The following GBA2 variants were observed in gnomAD, a reference collection of about 807,000 sequenced individuals.
GBA2 encodes the protein non-lysosomal glucosylceramidase.
A neutral mutation model predicts 112.9 loss-of-function variants in GBA2; 79 were observed. That is an observed-to-expected ratio of 0.70 (90% confidence interval 0.58 to 0.84). GBA2 has a LOEUF of 0.84. GBA2 is among the 40% of genes least tolerant of loss of function. The pLI is 0.00. For synonymous variants in GBA2, 403 were observed against 434.3 expected, an observed-to-expected ratio of 0.93 and a Z score of 0.90; for missense variants, 1,043 against 1,190.0, an observed-to-expected ratio of 0.88 and a Z score of 1.82.
In GBA2 at chr9:35,739,371, G is replaced by A; in HGVS notation, c.1631C>T (p.Ser544Phe). Residue 544 changes from serine (S) to phenylalanine (F), a missense_variant, in exon 10 of 17, where the codon TCC (serine) becomes TTC (phenylalanine). Transcript: ENST00000378103. ...GGGCCAGAGCATGATGAGGGCAAAG[G>A]AAGCATAAAAGTGGACATCATATGT... ...YNTYDVHFYA[S>F]FALIMLWPKL... 1 of 1,613,776 alleles carries A rather than the reference G, an allele frequency of 6.2e-7. No individual in the cohort carries two copies. Among genetic ancestry groups the A allele is most frequent in the Non-Finnish European group, 8.5e-7 (1 of 1,179,682 alleles).
In GBA2 at chr9:35,740,101, G is replaced by C. The variant is rs564921378; in HGVS notation, c.1306C>G (p.Gln436Glu). Residue 436 changes from glutamine (Q) to glutamate (E), a missense_variant, in exon 8 of 17, where the codon CAG becomes GAG. Physicochemically the swap from Gln to Glu is conservative, Grantham distance 29 (BLOSUM62 2). Coordinates refer to ENST00000378103, the MANE Select transcript of GBA2 (RefSeq NM_020944.3). The surrounding 1 kb of genome is among the most constrained non-coding windows in gnomAD (Gnocchi z 4.7). ...AGGGCAGGTGCTGCATCTCCATCCT[G>C]GCCAAAGAACCTTGTATACCGCCTG... Reference protein sequence around the residue: ...HYRRYTRFFGQDGDAAPALSH... With the variant: ...HYRRYTRFFGEDGDAAPALSH... 3.2e-5 allele frequency: 51 copies of C among 1,614,066 alleles called. No homozygotes were observed. In the South Asian group the frequency reaches 4.2e-4, roughly 13 times the overall value.
At position 35,741,284 on chromosome 9, in the gene GBA2, T is replaced by C. The variant is rs914387893; in HGVS notation, c.787-220A>G. 9 of 582,276 alleles carry C rather than the reference T, an allele frequency of 1.5e-5. No homozygotes were observed. Among genetic ancestry groups the C allele is most frequent in the Admixed American group, 3.2e-5 (1 of 31,666 alleles). The allele number at this position is 582,276 out of a possible 1,614,324, so 36.1% of individuals were successfully genotyped here. A position where few individuals can be genotyped will look rare whatever the true frequency, so the allele number is the denominator to read the frequency against. Reference sequence around the variant, plus strand: ...CGGTGGTTCTGGGAAGCCAGTGTGATGTTCATGGCTCCAACCTCCCTTTCA... The same window carrying C: ...CGGTGGTTCTGGGAAGCCAGTGTGACGTTCATGGCTCCAACCTCCCTTTCA... On this transcript the variant is annotated intron_variant, in intron 4 of 16. Coordinates refer to ENST00000378103, the MANE Select transcript of GBA2 (RefSeq NM_020944.3). This position sits in a 1 kb window ranked among gnomAD's most constrained non-coding sequence, Gnocchi z 4.6.
chr9:35,741,160 A>G lies in GBA2; in HGVS notation c.787-96T>C. 7.7e-7 allele frequency: 1 copy of G among 1,302,638 alleles called. No individual in the cohort carries two copies. Among genetic ancestry groups the G allele is most frequent in the Non-Finnish European group, 1.1e-6 (1 of 926,402 alleles). 80.7% of individuals were successfully genotyped at this position (1,302,638 alleles called of 1,614,324 possible). A position where few individuals can be genotyped will look rare whatever the true frequency, so the allele number is the denominator to read the frequency against. On this transcript the variant is annotated intron_variant, in intron 4 of 16. Coordinates refer to ENST00000378103, the MANE Select transcript of GBA2 (RefSeq NM_020944.3). The surrounding 1 kb of genome is among the most constrained non-coding windows in gnomAD (Gnocchi z 4.6). ...CCTGGGCACACAGAGGACCTGACTC[A>G]AATACTCCCCAGTGTACTCTTCTTT...
At position 35,740,980 on chromosome 9, in the gene GBA2, T is replaced by C. The variant is rs367777270; in HGVS notation, c.871A>G (p.Met291Val). 4.3e-6 allele frequency: 7 copies of C among 1,613,980 alleles called. No homozygotes were observed. Among genetic ancestry groups the C allele is most frequent in the African/African-American group, 2.7e-5 (2 of 74,916 alleles). ...TCTCCACCACCCAGTCCATTCCGCA[T>C]GGAGAACATGATGGACACATCTAGA... ...EALDVSIMFSMRNGLGGGDDA... is the reference protein window; with the variant it reads ...EALDVSIMFSVRNGLGGGDDA... The change falls in exon 5 of 17, where the codon ATG becomes GTG. Residue 291 changes from methionine to valine, a missense_variant. Coordinates refer to ENST00000378103, the MANE Select transcript of GBA2 (RefSeq NM_020944.3). The surrounding 1 kb of genome is among the most constrained non-coding windows in gnomAD (Gnocchi z 4.7).
In GBA2 at chr9:35,741,663, G is replaced by A. The variant is rs374309697; in HGVS notation, c.786+9C>T. 3 of 1,525,574 alleles carry A rather than the reference G, an allele frequency of 2.0e-6. No individual in the cohort carries two copies. The highest frequency in any genetic ancestry group is 2.7e-6 in the Non-Finnish European group (3 of 1,099,256). 94.5% of individuals were successfully genotyped at this position (1,525,574 alleles called of 1,614,324 possible). A position where few individuals can be genotyped will look rare whatever the true frequency, so the allele number is the denominator to read the frequency against. ...AGGGCAATGGAAGATACAGATGTGG[G>A]GGCCTCACCTGGTAGTCATGGGGCA... On this transcript the variant is annotated intron_variant, in intron 4 of 16. Coordinates refer to ENST00000378103, the MANE Select transcript of GBA2 (RefSeq NM_020944.3). This position sits in a 1 kb window ranked among gnomAD's most constrained non-coding sequence, Gnocchi z 4.6.
Position 35,742,078 on chromosome 9 carries a change from A to C in GBA2, c.568-188T>G, listed in dbSNP as rs75894508. 863 of 623,020 alleles carry C rather than the reference A, an allele frequency of 1.4e-3. 2 individuals are homozygous for C. The highest frequency in any genetic ancestry group is 1.7e-3 in the Non-Finnish European group (574 of 343,918). The allele number at this position is 623,020 out of a possible 1,614,324, so 38.6% of individuals were successfully genotyped here. A position where few individuals can be genotyped will look rare whatever the true frequency, so the allele number is the denominator to read the frequency against. On this transcript the variant is annotated intron_variant, in intron 3 of 16. Coordinates refer to ENST00000378103, the MANE Select transcript of GBA2 (RefSeq NM_020944.3). ...TACCTCCCCATCCATCTATCTCCCA[A>C]GCTTTCTCTCCCTTCTCCACTACGG...
At chr9:35,738,474 C>T (rs1429535366) in intron 13 of GBA2, 52 bp downstream of exon 13, 16 of 1,587,158 alleles carry the variant, frequency 1.0e-5, no homozygotes, top group African/African-American at 1.3e-5. Context: ...CCTACAATCC[C>T]TTGTTGCCCA....
Position 35,741,290 on chromosome 9 carries a change from T to G in GBA2, c.787-226A>C. ...TTCTGGGAAGCCAGTGTGATGTTCA[T>G]GGCTCCAACCTCCCTTTCACAGGCC... On this transcript the variant is annotated intron_variant, in intron 4 of 16. Coordinates refer to ENST00000378103, the MANE Select transcript of GBA2 (RefSeq NM_020944.3). The surrounding 1 kb of genome is among the most constrained non-coding windows in gnomAD (Gnocchi z 4.6). 1.7e-6 allele frequency: 1 copy of G among 575,308 alleles called. No individual in the cohort carries two copies. The highest frequency in any genetic ancestry group is 3.2e-5 in the Admixed American group (1 of 31,358). The allele number at this position is 575,308 out of a possible 1,614,324, so 35.6% of individuals were successfully genotyped here. A position where few individuals can be genotyped will look rare whatever the true frequency, so the allele number is the denominator to read the frequency against.
At chr9:35,739,256 C>T (rs1588008908) in intron 10 of GBA2, 59 bp downstream of exon 10, 4 of 1,208,926 alleles carry the variant, frequency 3.3e-6, no homozygotes, top group Non-Finnish European at 3.7e-6. Flanking sequence ...TGAGGGACCA[C>T]AGAAGTTCGG....
chr9:35,737,179 C>G lies in GBA2; in HGVS notation c.2774G>C (p.Ser925Thr). ...FGPKEAMANLSPE is the reference protein window; with the variant it reads ...FGPKEAMANLTPE ...CACAGTTCAGACGGCTCACTCTGGG[C>G]TCAGGTTTGCCATGGCTTCCTTTGG... Residue 925 changes from serine (S) to threonine (T), a missense_variant, in exon 17 of 17, where the codon AGC becomes ACC. Ser to Thr is a moderately conservative substitution (Grantham distance 58, BLOSUM62 1). Coordinates refer to ENST00000378103, the MANE Select transcript of GBA2 (RefSeq NM_020944.3). The surrounding 1 kb of genome is among the most constrained non-coding windows in gnomAD (Gnocchi z 4.1). The G allele has an allele frequency of 6.2e-7, 1 of 1,606,004 alleles. No homozygotes were observed. The highest frequency in any genetic ancestry group is 8.5e-7 in the Non-Finnish European group (1 of 1,179,400).
Position 35,739,378 on chromosome 9 carries a change from A to G in GBA2, c.1624T>C (p.Tyr542His). The G allele has an allele frequency of 6.2e-7, 1 of 1,613,664 alleles. No individual in the cohort carries two copies. Among genetic ancestry groups the G allele is most frequent in the Non-Finnish European group, 8.5e-7 (1 of 1,179,554 alleles). ...AGCATGATGAGGGCAAAGGAAGCAT[A>G]AAAGTGGACATCATATGTGTTGTAC... ...RMYNTYDVHF[Y>H]ASFALIMLWP... Residue 542 changes from tyrosine (Y) to histidine (H), a missense_variant, in exon 10 of 17, where the codon TAT becomes CAT. Physicochemically the swap from Tyr to His is moderately conservative, Grantham distance 83 (BLOSUM62 2). Transcript: ENST00000378103.
chr9:35,736,883 T>A lies in GBA2; in HGVS notation c.*286A>T, dbSNP rs770501648. 5 of 769,728 alleles carry A rather than the reference T, an allele frequency of 6.5e-6. No homozygotes were observed. The highest frequency in any genetic ancestry group is 2.8e-5 in the Admixed American group (1 of 35,126). The allele number at this position is 769,728 out of a possible 1,614,324, so 47.7% of individuals were successfully genotyped here. A position where few individuals can be genotyped will look rare whatever the true frequency, so the allele number is the denominator to read the frequency against. Reference sequence around the variant, plus strand: ...ACACTTAATGGCTTTCTGGGTCTTTTATTTGTACCCATGTGTCTGTCACAC... The same window carrying A: ...ACACTTAATGGCTTTCTGGGTCTTTAATTTGTACCCATGTGTCTGTCACAC... On this transcript the variant is annotated 3_prime_UTR_variant, in exon 17 of 17. Transcript: ENST00000378103.
Position 35,739,369 on chromosome 9 carries a change from AG to A in GBA2, c.1632del (p.Phe545LeufsTer27). Reference protein sequence around the residue: ...YNTYDVHFYASFALIMLWPKL... With the variant: ...YNTYDVHFYAXFALIMLWPKL... ...TTGGGCCAGAGCATGATGAGGGCAAAGGAAGCATAAAAGTGGACATCATATG... is the reference window on the plus strand; with the variant it reads ...TTGGGCCAGAGCATGATGAGGGCAAAGAAGCATAAAAGTGGACATCATATG... On this transcript the variant is annotated frameshift_variant, in exon 10 of 17. Coordinates refer to ENST00000378103, the MANE Select transcript of GBA2 (RefSeq NM_020944.3). LOFTEE classifies it high-confidence loss of function. The A allele has an allele frequency of 5.0e-6, 8 of 1,613,870 alleles. No homozygotes were observed. The highest frequency in any genetic ancestry group is 6.8e-6 in the Non-Finnish European group (8 of 1,179,758).
In GBA2 at chr9:35,739,116, G is replaced by A. The variant is rs1410564153; in HGVS notation, c.1688-7C>T. 8.7e-6 allele frequency: 13 copies of A among 1,491,842 alleles called. No individual in the cohort carries two copies. The highest frequency in any genetic ancestry group is 1.1e-5 in the Non-Finnish European group (12 of 1,109,076). 92.4% of individuals were successfully genotyped at this position (1,491,842 alleles called of 1,614,324 possible). A position where few individuals can be genotyped will look rare whatever the true frequency, so the allele number is the denominator to read the frequency against. On this transcript the variant is annotated splice_region_variant and splice_polypyrimidine_tract_variant and intron_variant, in intron 10 of 16. Coordinates refer to ENST00000378103, the MANE Select transcript of GBA2 (RefSeq NM_020944.3). ...TCCCTGAGAGTGGCCAGAGCTGGGGGAGAGACACAGAAGGGAGGCAGGGAA... is the reference window on the plus strand; with the variant it reads ...TCCCTGAGAGTGGCCAGAGCTGGGGAAGAGACACAGAAGGGAGGCAGGGAA...
In GBA2 at chr9:35,744,754, GTTCACAGGCTGAGTCACCTGCCTCTCTC is replaced by G. The variant is rs770692228; in HGVS notation, c.360-76_360-49del. 36 of 1,003,002 alleles carry G rather than the reference GTTCACAGGCTGAGTCACCTGCCTCTCTC, an allele frequency of 3.6e-5. No homozygotes were observed. The South Asian group carries it at 4.5e-4, about 12-fold the overall frequency. 62.1% of individuals were successfully genotyped at this position (1,003,002 alleles called of 1,614,324 possible). On this transcript the variant is annotated intron_variant, in intron 1 of 16. Transcript: ENST00000378103. ...AGTGGAAGGGGGCAGGTGGGCAGCT[GTTCACAGGCTGAGTCACCTGCCTCTCTC>G]TGTGACCTCCCATTAAATGTCCCAA...
At position 35,740,441 on chromosome 9, in the gene GBA2, C is replaced by G; in HGVS notation, c.1130-79G>C. The G allele has an allele frequency of 1.3e-6, 2 of 1,576,538 alleles. No homozygotes were observed. The highest frequency in any genetic ancestry group is 1.7e-6 in the Non-Finnish European group (2 of 1,150,654). ...GGGATCCCTAACATGGAAACAAGGC[C>G]TACTTATTACCAGGCCTCCCACCCC... On this transcript the variant is annotated intron_variant, in intron 6 of 16. Coordinates refer to ENST00000378103, the MANE Select transcript of GBA2 (RefSeq NM_020944.3). The surrounding 1 kb of genome is among the most constrained non-coding windows in gnomAD (Gnocchi z 4.7).
Position 35,740,202 on chromosome 9 carries a change from C to T in GBA2, c.1283+7G>A. On this transcript the variant is annotated splice_region_variant and intron_variant, in intron 7 of 16. Coordinates refer to ENST00000378103, the MANE Select transcript of GBA2 (RefSeq NM_020944.3). The surrounding 1 kb of genome is among the most constrained non-coding windows in gnomAD (Gnocchi z 4.7). ...TCTGGATCCTTACACTTTCTTGGTC[C>T]CCTCACCTGTAGTGGACTTGGCCTT... is the stretch of plus-strand genomic sequence containing the variant. 1 of 1,614,054 alleles carries T rather than the reference C, an allele frequency of 6.2e-7. No individual in the cohort carries two copies. The highest frequency in any genetic ancestry group is 2.2e-5 in the East Asian group (1 of 44,884).
Position 35,738,575 on chromosome 9 carries a change from C to A in GBA2, c.2005G>T (p.Gly669Ter). The part of the protein sequence containing the change: ...DKDHDGLIEN[G>*]GYADQTYDGW... ...TCATAGGTCTGGTCTGCATAGCCTCCATTTTCAATGAGTCCATCATGGTCC... is the reference window on the plus strand; with the variant it reads ...TCATAGGTCTGGTCTGCATAGCCTCAATTTTCAATGAGTCCATCATGGTCC... The change falls in exon 13 of 17, where the codon GGA becomes TGA. Residue 669 changes from glycine (G) to a stop codon, truncating the protein, a stop_gained. Transcript: ENST00000378103. LOFTEE classifies it high-confidence loss of function. 1 of 1,614,054 alleles carries A rather than the reference C, an allele frequency of 6.2e-7. No homozygotes were observed. Among genetic ancestry groups the A allele is most frequent in the Non-Finnish European group, 8.5e-7 (1 of 1,179,886 alleles).
intron 11 of GBA2, 33 bp from the exon 12 acceptor site, chr9:35,738,936 A>T (rs764986729): frequency 1.2e-6 from 2 of 1,613,028 alleles, no homozygotes; most frequent in South Asian, 2.2e-5. Flanking sequence ...GGTCACTTGC[A>T]TTGGTGGATA....
Sources: gnomAD v4.1 joint callset for allele counts on GRCh38, gnomAD v4.1.1 for gene constraint, Gnocchi (gnomAD v3.1) non-coding constraint, MANE v1.5 for transcripts, NCBI Gene and HGNC (gene_info 2026-07-23, HGNC 2026-07-21) for gene names.